OR2AT4: variants seen among roughly 807,000 people sequenced by gnomAD.
The protein encoded by OR2AT4 is olfactory receptor 2AT4.
In OR2AT4, 6 loss-of-function variants were observed where a neutral mutation model predicts 10.3. That is an observed-to-expected ratio of 0.58 (90% CI 0.32 to 1.15). The LOEUF is 1.15. Among genes scored for constraint, OR2AT4 ranks in the 50% most tolerant of loss-of-function variants. The probability of loss-of-function intolerance (pLI) is 0.05; values close to 1 mark genes in which losing one functional copy is unlikely to be tolerated. For synonymous variants in OR2AT4, 145 were observed against 159.1 expected, an observed-to-expected ratio of 0.91 and a Z score of 0.67; for missense variants, 354 against 393.8, an observed-to-expected ratio of 0.90 and a Z score of 0.85.
intron 1 of OR2AT4, among the ~76,000 whole-genome samples, chr11:75,090,713 T>G (rs1228866515): frequency 1.3e-5 from 2 of 152,230 alleles, no homozygotes; most frequent in Non-Finnish European, 2.9e-5. Context: ...ATAACAAGTT[T>G]TCCCTGTGGG....
exon 2 of OR2AT4, chr11:75,089,126 G>A: frequency 6.2e-7 from 1 of 1,614,052 alleles, no homozygotes; most frequent in Non-Finnish European, 8.5e-7. Context: ...GGGGGGTGGT[G>A]TCAGAGCAGG....
At chr11:75,084,107 C>G (rs1487241803) in exon 2 of OR2AT4, 2 of 152,090 alleles carry the variant, frequency 1.3e-5, no homozygotes, top group Admixed American at 6.6e-5. Context: ...GATCAGAAAA[C>G]CATGTACTGC....
exon 2 of OR2AT4, chr11:75,089,856 C>T (rs1344218464): frequency 2.2e-6 from 2 of 907,588 alleles, no homozygotes. Flanking sequence ...GAATTATTTA[C>T]AACCAACTGT....
At chr11:75,092,264 T>C (rs1265404095) in intron 1 of OR2AT4, among the ~76,000 whole-genome samples, 1 of 152,210 alleles carries the variant, frequency 6.6e-6, no homozygotes, top group Non-Finnish European at 1.5e-5. Flanking sequence ...CCTTCATACA[T>C]TGATGGTAAC....
chr11:75,096,397 C>T (rs1369472214), intron 1 of OR2AT4, among the ~76,000 whole-genome samples: 1 of 152,162 alleles, frequency 6.6e-6, no homozygotes, highest in Non-Finnish European at 1.5e-5. Context: ...ATATTCTCAC[C>T]ATCCTGCACT....
exon 2 of OR2AT4, chr11:75,083,442 G>A (rs1949274890): frequency 6.6e-6 from 1 of 152,188 alleles, no homozygotes; most frequent in Admixed American, 6.5e-5. Context: ...TACACTGTTG[G>A]TGAGAATGTA....
chr11:75,096,654 G>A (rs1195239294), intron 1 of OR2AT4, among the ~76,000 whole-genome samples, 174 bp downstream of exon 1: 1 of 152,100 alleles, frequency 6.6e-6, no homozygotes, highest in Non-Finnish European at 1.5e-5. Flanking sequence ...CTGCCTGCGA[G>A]GGTGTCTGGT....
At chr11:75,089,488 T>C in exon 2 of OR2AT4, 2 of 1,614,172 alleles carry the variant, frequency 1.2e-6, no homozygotes, top group Non-Finnish European at 1.7e-6. Flanking sequence ...GTGAAAAGGA[T>C]GTCCAAGGTG....
In OR2AT4 at chr11:75,090,091, G is replaced by A. The variant is rs541168609; in HGVS notation, c.-378C>T. 1.1e-5 allele frequency: 2 copies of A among 186,038 alleles called. No individual in the cohort carries two copies. Among genetic ancestry groups the A allele is most frequent in the East Asian group, 2.7e-4 (2 of 7,344 alleles). The allele number at this position is 186,038 out of a possible 1,614,324, so 11.5% of individuals were successfully genotyped here. A position where few individuals can be genotyped will look rare whatever the true frequency, so the allele number is the denominator to read the frequency against. The stretch of plus-strand genomic sequence containing the variant: ...AACAGTTGATTGTTGAATTATAATT[G>A]TGAAAGTGCTTTGGAAAGGCTTCTT... On this transcript the variant is annotated 5_prime_UTR_variant, in exon 2 of 2. The change creates a premature stop within an existing upstream ORF in the 5' untranslated region. Transcript: ENST00000641504.
exon 2 of OR2AT4, chr11:75,086,515 GC>G (rs2140278311): frequency 6.6e-6 from 1 of 152,262 alleles, no homozygotes; most frequent in African/African-American, 2.4e-5. Flanking sequence ...GGATTAAAAA[GC>G]AGGCAAAAGA....
chr11:75,086,368 C>T (rs1305309371), exon 2 of OR2AT4: 1 of 152,106 alleles, frequency 6.6e-6, no homozygotes, highest in Non-Finnish European at 1.5e-5. Context: ...CTCTGCTCTG[C>T]AAAAGACACT....
exon 2 of OR2AT4, chr11:75,085,719 A>G (rs188438374): frequency 9.2e-5 from 14 of 152,228 alleles, no homozygotes; most frequent in African/African-American, 3.4e-4. Flanking sequence ...AGCTAAGTAA[A>G]TGGAGAGATA....
intron 1 of OR2AT4, among the ~76,000 whole-genome samples, chr11:75,093,157 C>A (rs564833431): frequency 3.3e-5 from 5 of 152,238 alleles, no homozygotes; most frequent in South Asian, 4.2e-4. Flanking sequence ...GCAAAAGATG[C>A]CTTTTGTGAG....
intron 1 of OR2AT4, among the ~76,000 whole-genome samples, chr11:75,094,043 G>A (rs552384099): frequency 1.3e-4 from 20 of 151,606 alleles, no homozygotes; most frequent in South Asian, 6.3e-4. Context: ...GGCTTGTCTC[G>A]AACTCCTGAC....
At chr11:75,093,901 A>G (rs887002743) in intron 1 of OR2AT4, among the ~76,000 whole-genome samples, 6 of 136,176 alleles carry the variant, frequency 4.4e-5, no homozygotes, top group African/African-American at 1.7e-4. Flanking sequence ...GGCTCACTGC[A>G]ACCTCTGCCC....
chr11:75,088,033 T>A (rs1350966868), exon 2 of OR2AT4: 1 of 152,218 alleles, frequency 6.6e-6, no homozygotes, highest in African/African-American at 2.4e-5. Flanking sequence ...AGAGATGATA[T>A]CATATCAGTA....
chr11:75,089,144 G>T (rs1290844315), exon 2 of OR2AT4: 1 of 1,614,076 alleles, frequency 6.2e-7, no homozygotes. Context: ...AGGAGGCCTG[G>T]ACCACAGCCA....
chr11:75,088,964 A>C, exon 2 of OR2AT4: 1 of 1,614,208 alleles, frequency 6.2e-7, no homozygotes, highest in Non-Finnish European at 8.5e-7. Flanking sequence ...CCACGACCAG[A>C]AGGTGGGAGC....
intron 1 of OR2AT4, among the ~76,000 whole-genome samples, chr11:75,094,275 G>C (rs1312785600): frequency 6.6e-6 from 1 of 151,888 alleles, no homozygotes; most frequent in Non-Finnish European, 1.5e-5. Flanking sequence ...GGAGAATCTG[G>C]AAGCTCAAAT....
Sources: allele counts gnomAD v4.1 joint callset (sites outside exome capture counted in the v4.1 genomes callset), GRCh38; gene constraint gnomAD v4.1.1; transcripts MANE v1.5; gene names NCBI Gene and HGNC (gene_info 2026-07-23, HGNC 2026-07-21).